The following OR3A1 variants were observed in gnomAD, a reference collection of about 807,000 sequenced individuals.
The protein encoded by OR3A1 is olfactory receptor family 3 subfamily A member 1.
For synonymous variants in OR3A1, 145 were observed against 160.0 expected (o/e 0.91, Z 0.71); for missense variants, 402 against 393.8 (o/e 1.02, Z -0.18).
rs1266978963 is a variant in OR3A1, at chr17:3,291,033, C to G, written c.*602G>C. On this transcript the variant is annotated 3_prime_UTR_variant, in exon 2 of 2. Transcript: ENST00000323404. ...AAGTCTGTGAGCTGCACACAGGTAT[C>G]AGGTGCTCCAGAATTACTAGAGAAT... is the stretch of plus-strand genomic sequence containing the variant. 1 of 152,218 alleles carries G rather than the reference C, an allele frequency of 6.6e-6. No individual in the cohort carries two copies. Among genetic ancestry groups the G allele is most frequent in the Non-Finnish European group, 1.5e-5 (1 of 68,046 alleles). 9.4% of individuals were successfully genotyped at this position (152,218 alleles called of 1,614,324 possible). A position where few individuals can be genotyped will look rare whatever the true frequency, so the allele number is the denominator to read the frequency against.
At chr17:3,293,578 C>T (rs1319552868) in intron 1 of OR3A1, among the ~76,000 whole-genome samples, 1 of 151,926 alleles carries the variant, frequency 6.6e-6, no homozygotes, top group Admixed American at 6.6e-5. Context: ...ATCATATAAA[C>T]AAGGATTCTA....
intron 1 of OR3A1, among the ~76,000 whole-genome samples, chr17:3,296,641 C>T (rs1400805688): frequency 6.6e-6 from 1 of 152,004 alleles, no homozygotes; most frequent in African/African-American, 2.4e-5. Flanking sequence ...AAAGTACTTA[C>T]AAAGTCACTT....
Position 3,292,178 on chromosome 17 carries a change from G to A in OR3A1, c.405C>T (p.Tyr135=), listed in dbSNP as rs767854174. ...RFLAICRPLT[Y]STRMSQTVQR... ...GGACTGTCTGACTCATGCGGGTGCTGTAGGTGAGGGGCCGGCAGATGGCCA... is the reference window on the plus strand; with the variant it reads ...GGACTGTCTGACTCATGCGGGTGCTATAGGTGAGGGGCCGGCAGATGGCCA... Residue 135 remains tyrosine, a synonymous_variant, in exon 2 of 2, where the codon TAC becomes TAT. Transcript: ENST00000323404. 2 of 1,614,220 alleles carry A rather than the reference G, an allele frequency of 1.2e-6. No individual in the cohort carries two copies. Among genetic ancestry groups the A allele is most frequent in the East Asian group, 2.2e-5 (1 of 44,886 alleles).
Position 3,291,024 on chromosome 17 carries a change from C to T in OR3A1, c.*611G>A, listed in dbSNP as rs2048860593. ...TTTGGAAACAAGTCTGTGAGCTGCA[C>T]ACAGGTATCAGGTGCTCCAGAATTA... On this transcript the variant is annotated 3_prime_UTR_variant, in exon 2 of 2. Coordinates refer to ENST00000323404, the MANE Select transcript of OR3A1 (RefSeq NM_002550.3). 1 of 152,182 alleles carries T rather than the reference C, an allele frequency of 6.6e-6. No homozygotes were observed. Among genetic ancestry groups the T allele is most frequent in the Non-Finnish European group, 1.5e-5 (1 of 68,038 alleles). 9.4% of individuals were successfully genotyped at this position (152,182 alleles called of 1,614,324 possible).
chr17:3,292,322 A>AC lies in OR3A1; in HGVS notation c.260dup (p.Leu88SerfsTer37), dbSNP rs757980013. 1 of 1,614,090 alleles carries AC rather than the reference A, an allele frequency of 6.2e-7. No homozygotes were observed. The highest frequency in any genetic ancestry group is 8.5e-7 in the Non-Finnish European group (1 of 1,180,004). On this transcript the variant is annotated frameshift_variant, in exon 2 of 2. Coordinates refer to ENST00000323404, the MANE Select transcript of OR3A1 (RefSeq NM_002550.3). LOFTEE classifies it low-confidence loss of function (END_TRUNC). ...GAACTGCACGCTTGCGGGACAGGAG[A>AC]CGACTCAACATTGATGGAACAGTGA...
At chr17:3,294,438 T>A (rs952821870) in intron 1 of OR3A1, among the ~76,000 whole-genome samples, 1 of 151,688 alleles carries the variant, frequency 6.6e-6, no homozygotes, top group Non-Finnish European at 1.5e-5. Context: ...ATGACAGATA[T>A]GAGAAAAGAC....
chr17:3,291,868 T>C lies in OR3A1; in HGVS notation c.715A>G (p.Lys239Glu), dbSNP rs2048872420. 6.2e-7 allele frequency: 1 copy of C among 1,614,104 alleles called. No individual in the cohort carries two copies. The highest frequency in any genetic ancestry group is 1.3e-5 in the African/African-American group (1 of 74,944). The change falls in exon 2 of 2, where the codon AAA becomes GAA. Residue 239 changes from lysine (K) to glutamate (E), a missense_variant. Transcript: ENST00000323404. The stretch of plus-strand genomic sequence containing the variant: ...TGGGAGCCACATGTGGAGAAGGCTT[T>C]CTTCCTGCCCTCTACAGAGCGAATT... ...LRIRSVEGRK[K>E]AFSTCGSHLT...
intron 1 of OR3A1, 48 bp downstream of exon 1, chr17:3,298,235 C>G (rs989974744): frequency 2.0e-5 from 3 of 152,130 alleles, no homozygotes; most frequent in Admixed American, 1.3e-4. Context: ...TTCCAAGAAG[C>G]CTGTCTTACA....
chr17:3,297,692 T>C (rs1053860992), intron 1 of OR3A1, among the ~76,000 whole-genome samples: 5 of 147,912 alleles, frequency 3.4e-5, no homozygotes, highest in African/African-American at 1.3e-4. Context: ...GCATTCTTAA[T>C]GCCTTGTGTC....
At chr17:3,293,020 G>A (rs2048889574) in intron 1 of OR3A1, among the ~76,000 whole-genome samples, 1 of 152,004 alleles carries the variant, frequency 6.6e-6, no homozygotes, top group Non-Finnish European at 1.5e-5. Context: ...AAAGAAACTA[G>A]TAAGTGTCCA....
chr17:3,293,034 C>T (rs2048889749), intron 1 of OR3A1, among the ~76,000 whole-genome samples: 1 of 151,892 alleles, frequency 6.6e-6, no homozygotes, highest in Non-Finnish European at 1.5e-5. Context: ...GTGTCCACAA[C>T]CCCAATCCAT....
In OR3A1 at chr17:3,291,549, G is replaced by C. The variant is rs142890752; in HGVS notation, c.*86C>G. 1.9e-3 allele frequency: 2,096 copies of C among 1,085,096 alleles called. 17 individuals are homozygous for C. The African/African-American group carries it at 0.02, about 10-fold the overall frequency. 67.2% of individuals were successfully genotyped at this position (1,085,096 alleles called of 1,614,324 possible). A position where few individuals can be genotyped will look rare whatever the true frequency, so the allele number is the denominator to read the frequency against. Reference sequence around the variant, plus strand: ...TTATGCCCATGAAACAGAAACAGGTGTGAACCATTTTTTTCCTAGTTTCTG... The same window carrying C: ...TTATGCCCATGAAACAGAAACAGGTCTGAACCATTTTTTTCCTAGTTTCTG... On this transcript the variant is annotated 3_prime_UTR_variant, in exon 2 of 2. Transcript: ENST00000323404.
chr17:3,291,374 T>C lies in OR3A1; in HGVS notation c.*261A>G. ...CTGTCAGCACTCACAGCTTCCTAGG[T>C]TTCACCTCTAGCCAGAAAGGAGAGA... On this transcript the variant is annotated 3_prime_UTR_variant, in exon 2 of 2. Coordinates refer to ENST00000323404, the MANE Select transcript of OR3A1 (RefSeq NM_002550.3). The C allele has an allele frequency of 2.7e-6, 1 of 363,884 alleles. No individual in the cohort carries two copies. 22.5% of individuals were successfully genotyped at this position (363,884 alleles called of 1,614,324 possible). A position where few individuals can be genotyped will look rare whatever the true frequency, so the allele number is the denominator to read the frequency against.
rs768483891 is a variant in OR3A1, at chr17:3,292,014, A to T, written c.569T>A (p.Leu190His). 1.2e-5 allele frequency: 19 copies of T among 1,614,172 alleles called. No individual in the cohort carries two copies. In the East Asian group the frequency reaches 4.2e-4, roughly 36 times the overall value. Residue 190 changes from leucine (L) to histidine (H), a missense_variant, in exon 2 of 2, where the codon CTC (leucine) becomes CAC (histidine). Transcript: ENST00000323404. Reference sequence around the variant, plus strand: ...ATTGAGTTGGGTGCTGGAGCAGGAGAGCTGGAAGAGCTGTGGGAGGTCACA... The same window carrying T: ...ATTGAGTTGGGTGCTGGAGCAGGAGTGCTGGAAGAGCTGTGGGAGGTCACA... ...FYCDLPQLFQ[L>H]SCSSTQLNEL...
In OR3A1 at chr17:3,294,738, A is replaced by G. The variant is rs955306873; in HGVS notation, c.-6-2150T>C. Among the ~76,000 whole-genome samples, 3 of 152,214 alleles carry G rather than the reference A, an allele frequency of 2.0e-5. No individual in the cohort carries two copies. In the East Asian group the frequency reaches 5.8e-4, roughly 29 times the overall value. ...TCTAAAGGAAAGAAATTAAGGTAGC[A>G]TATCATTTCTCCAAAGTAACAGTCA... On this transcript the variant is annotated intron_variant, in intron 1 of 1. Coordinates refer to ENST00000323404, the MANE Select transcript of OR3A1 (RefSeq NM_002550.3).
At position 3,292,398 on chromosome 17, in the gene OR3A1, A is replaced by G. The variant is rs1209083864; in HGVS notation, c.185T>C (p.Met62Thr). The G allele has an allele frequency of 3.1e-6, 5 of 1,614,010 alleles. No individual in the cohort carries two copies. The highest frequency in any genetic ancestry group is 4.2e-6 in the Non-Finnish European group (5 of 1,179,990). ...VLVEPKLHTP[M>T]YFFLGNLSVL... The stretch of plus-strand genomic sequence containing the variant: ...TGATAGGTTCCCCAGGAAGAAGTAC[A>G]TGGGGGTGTGGAGTTTGGGCTCCAC... Residue 62 changes from methionine to threonine, a missense_variant, in exon 2 of 2, where the codon ATG (methionine) becomes ACG (threonine). Coordinates refer to ENST00000323404, the MANE Select transcript of OR3A1 (RefSeq NM_002550.3).
At chr17:3,297,573 A>G (rs943850515) in intron 1 of OR3A1, among the ~76,000 whole-genome samples, 2 of 151,556 alleles carry the variant, frequency 1.3e-5, no homozygotes, top group African/African-American at 4.9e-5. Flanking sequence ...TTAATTGTAT[A>G]CTTTACGGCT....
At position 3,292,210 on chromosome 17, in the gene OR3A1, G is replaced by A. The variant is rs188930692; in HGVS notation, c.373C>T (p.Arg125Ter). 3.2e-5 allele frequency: 51 copies of A among 1,614,116 alleles called. No individual in the cohort carries two copies. In the East Asian group the frequency reaches 1.0e-3, roughly 32 times the overall value. Residue 125 changes from arginine (R) to a stop codon, truncating the protein, a stop_gained, in exon 2 of 2, where the codon CGA (arginine) becomes TGA (stop). Coordinates refer to ENST00000323404, the MANE Select transcript of OR3A1 (RefSeq NM_002550.3). LOFTEE classifies it low-confidence loss of function (END_TRUNC). Reference protein sequence around the residue: ...CFLLTAMAYDRFLAICRPLTY... With the variant: ...CFLLTAMAYD ...AGGGGCCGGCAGATGGCCAGGAATC[G>A]GTCATAGGCCATGGCGGTCAGCAGG...
intron 1 of OR3A1, among the ~76,000 whole-genome samples, chr17:3,295,016 AG>A (rs1213447621): frequency 6.6e-6 from 1 of 152,160 alleles, no homozygotes; most frequent in Non-Finnish European, 1.5e-5. Flanking sequence ...AAAGAAAAAT[AG>A]GAACTCTGCA....
Sources: allele counts gnomAD v4.1 joint callset (sites outside exome capture counted in the v4.1 genomes callset), GRCh38; gene constraint gnomAD v4.1.1; transcripts MANE v1.5; gene names NCBI Gene and HGNC (gene_info 2026-07-23, HGNC 2026-07-21).